Variants in ZNF536 observed in about 807,000 individuals in gnomAD.
ZNF536 encodes the protein zinc finger protein 536.
Under a neutral mutation model 84.5 loss-of-function variants are expected in ZNF536, and 13 were observed. The ratio of observed to expected loss-of-function variants is 0.15; its 90% CI spans 0.10 to 0.24. ZNF536 has a LOEUF of 0.24. ZNF536 is among the 10% of genes least tolerant of loss of function. The probability of loss-of-function intolerance (pLI) is 1.00; values close to 1 mark genes in which losing one functional copy is unlikely to be tolerated. For synonymous variants in ZNF536, 811 were observed against 742.5 expected, an observed-to-expected ratio of 1.09 and a Z score of -1.50; for missense variants, 1,536 against 1,747.5, an observed-to-expected ratio of 0.88 and a Z score of 2.16.
At chr19:30,634,878 G>A (rs1372982193) in intron 1 of ZNF536, among the ~76,000 whole-genome samples, 2 of 152,086 alleles carry the variant, frequency 1.3e-5, no homozygotes, top group Admixed American at 6.5e-5. Flanking sequence ...GCCTGGGTAC[G>A]TGTGTGTCTG....
intron 2 of ZNF536, among the ~76,000 whole-genome samples, chr19:30,510,623 C>T (rs139625362): frequency 1.4e-3 from 206 of 152,266 alleles, no homozygotes; most frequent in Middle Eastern, 3.4e-3. Flanking sequence ...GGTCAGTGCT[C>T]CTCGATGTAG....
At chr19:30,396,866 A>G (rs1416886804) in intron 1 of ZNF536, among the ~76,000 whole-genome samples, 1 of 151,970 alleles carries the variant, frequency 6.6e-6, no homozygotes, top group African/African-American at 2.4e-5. Flanking sequence ...TGGCCTCCCA[A>G]AGTGCTGGGA....
intron 1 of ZNF536, among the ~76,000 whole-genome samples, chr19:30,376,321 C>T (rs2048817313): frequency 6.6e-6 from 1 of 152,140 alleles, no homozygotes; most frequent in Non-Finnish European, 1.5e-5. Context: ...GTGTATTTGC[C>T]TTTGTCGGCT....
rs1252851291 is a variant in ZNF536 at position 30,548,634 on chromosome 19, T to C, written c.3015T>C (p.Phe1005=). The change falls in exon 4 of 5, where the codon TTT becomes TTC. Residue 1005 remains phenylalanine, a synonymous_variant. Transcript: ENST00000355537. The stretch of plus-strand genomic sequence containing the variant: ...GCATTGCATGGCACGGCTGCTTGTT[T>C]TGTGCTTTCACAACGTCCTCCATGG... ...QDSIAWHGCL[F]CAFTTSSMEL... 3.1e-6 allele frequency: 5 copies of C among 1,613,998 alleles called. No individual in the cohort carries two copies. The highest frequency in any genetic ancestry group is 4.2e-6 in the Non-Finnish European group (5 of 1,180,038).
intron 1 of ZNF536, among the ~76,000 whole-genome samples, chr19:30,248,824 C>T (rs1055909125): frequency 6.6e-6 from 1 of 152,038 alleles, no homozygotes; most frequent in African/African-American, 2.4e-5. Flanking sequence ...ACAAGGAAGA[C>T]CCTTGAGTAT....
chr19:30,341,276 A>C (rs1200674499), intron 2 of ZNF536, among the ~76,000 whole-genome samples: 1 of 152,262 alleles, frequency 6.6e-6, no homozygotes, highest in African/African-American at 2.4e-5. Flanking sequence ...AAGGAAAAAA[A>C]TAGTTTGTTG....
intron 3 of ZNF536, among the ~76,000 whole-genome samples, chr19:30,358,619 C>A (rs935386483): frequency 3.3e-5 from 5 of 152,186 alleles, no homozygotes; most frequent in Non-Finnish European, 7.3e-5. Context: ...TATGACAAAT[C>A]CACATTTCTT....
intron 1 of ZNF536, among the ~76,000 whole-genome samples, chr19:30,400,603 C>T (rs1201132969): frequency 2.0e-5 from 3 of 152,054 alleles, no homozygotes; most frequent in Admixed American, 6.6e-5. Context: ...ACTTTGTCGC[C>T]CAGGCTGCAG....
chr19:30,700,230 TTCTTTCTTTCTC>T (rs1555843484), intron 1 of ZNF536, among the ~76,000 whole-genome samples: 3 of 132,884 alleles, frequency 2.3e-5, no homozygotes, highest in East Asian at 2.5e-4. Context: ...CTTTCTTTCT[TTCTTTCTTTCTC>T]TCTCTCTCTC....
intron 1 of ZNF536, among the ~76,000 whole-genome samples, chr19:30,612,639 AT>A (rs1306960920): frequency 6.6e-6 from 1 of 152,182 alleles, no homozygotes; most frequent in Non-Finnish European, 1.5e-5. Flanking sequence ...TTCCAGGAAC[AT>A]TTTTTAAAAT....
At chr19:30,586,997 A>G (rs2047116550) in intron 1 of ZNF536, among the ~76,000 whole-genome samples, 1 of 152,240 alleles carries the variant, frequency 6.6e-6, no homozygotes, top group Admixed American at 6.5e-5. Flanking sequence ...TTATTCTATA[A>G]GGGACTCTCT....
chr19:30,710,014 C>T (rs1396812114), intron 1 of ZNF536, among the ~76,000 whole-genome samples: 1 of 152,098 alleles, frequency 6.6e-6, no homozygotes, highest in Non-Finnish European at 1.5e-5. Flanking sequence ...TAGTTCATCC[C>T]ACATGAAATT....
At chr19:30,592,772 T>C (rs1024860417) in intron 1 of ZNF536, among the ~76,000 whole-genome samples, 1 of 152,082 alleles carries the variant, frequency 6.6e-6, no homozygotes, top group African/African-American at 2.4e-5. Context: ...AGAAGGAAGA[T>C]AAATGATCGG....
chr19:30,425,494 G>C (rs919493722), intron 1 of ZNF536, among the ~76,000 whole-genome samples: 1 of 152,082 alleles, frequency 6.6e-6, no homozygotes. Context: ...TGATCCAGGG[G>C]CTCAAATGTC....
At chr19:30,533,974 C>G (rs1002703703) in intron 2 of ZNF536, among the ~76,000 whole-genome samples, 1 of 152,238 alleles carries the variant, frequency 6.6e-6, no homozygotes, top group African/African-American at 2.4e-5. Context: ...AACATATCCT[C>G]CAACCACTAG....
downstream of ZNF536, among the ~76,000 whole-genome samples, chr19:30,561,647 TG>T (rs1263703257): frequency 6.6e-6 from 1 of 152,166 alleles, no homozygotes; most frequent in African/African-American, 2.4e-5. Flanking sequence ...TCAGCCCCTT[TG>T]GGGGTCCTCT....
chr19:30,444,736 A>G lies in ZNF536; in HGVS notation c.1174A>G (p.Met392Val), dbSNP rs779579235. 1 of 1,613,986 alleles carries G rather than the reference A, an allele frequency of 6.2e-7. No homozygotes were observed. Among genetic ancestry groups the G allele is most frequent in the Non-Finnish European group, 8.5e-7 (1 of 1,180,026 alleles). Residue 392 changes from methionine to valine, a missense_variant, in exon 2 of 5, where the codon ATG becomes GTG. By Grantham distance (21) the Met-to-Val change is conservative. This residue lies in a region of ZNF536 where 25 missense variants were observed against 78.9 expected (regional missense o/e 0.32). Transcript: ENST00000355537. ...GGAGCCCTGGTTCCTCAAGAACCACATGAAGGTCCACCTCAACAAGCTGTC... is the reference window on the plus strand; with the variant it reads ...GGAGCCCTGGTTCCTCAAGAACCACGTGAAGGTCCACCTCAACAAGCTGTC... ...FKEPWFLKNH[M>V]KVHLNKLSVK...
chr19:30,579,502 C>T lies in ZNF536; in HGVS notation c.169+29988C>T, dbSNP rs534075947. Among the ~76,000 whole-genome samples, 26 of 152,248 alleles carry T rather than the reference C, an allele frequency of 1.7e-4. No individual in the cohort carries two copies. In the South Asian group the frequency reaches 4.2e-3, roughly 24 times the overall value. On this transcript the variant is annotated intron_variant, in intron 1 of 1. Transcript: ENST00000592773. Reference sequence around the variant, plus strand: ...CATCTCCAGCAGGTTAGCCTGGGCTCGTTCTCATGATGGAGGCTCTTCCAA... The same window carrying T: ...CATCTCCAGCAGGTTAGCCTGGGCTTGTTCTCATGATGGAGGCTCTTCCAA...
In ZNF536 at chr19:30,683,957, C is replaced by T. The variant is rs565119652; in HGVS notation, c.170-26800C>T. Among the ~76,000 whole-genome samples the T allele has an allele frequency of 7.2e-5, 11 of 152,232 alleles. No homozygotes were observed. The East Asian group carries it at 1.7e-3, about 24-fold the overall frequency. ...TTAAGAATTCATGCCTTTAGTATTG[C>T]TTTTTTTGATACATTAAGACAAGCT... On this transcript the variant is annotated intron_variant, in intron 1 of 1. Coordinates refer to the ZNF536 transcript ENST00000592773.
Sources: gnomAD v4.1 joint callset for allele counts (sites outside exome capture counted in the v4.1 genomes callset) on GRCh38, gnomAD v4.1.1 for gene constraint, gnomAD v4.1.1 regional missense constraint, MANE v1.5 for transcripts, NCBI Gene and HGNC (gene_info 2026-07-23, HGNC 2026-07-21) for gene names.